MBD3L1: variants seen among roughly 807,000 people sequenced by gnomAD.
MBD3L1 encodes the protein methyl-CpG-binding domain protein 3-like 1.
For synonymous variants in MBD3L1, 84 were observed against 85.1 expected (o/e 0.99, Z 0.07); for missense variants, 203 against 230.1 (o/e 0.88, Z 0.76).
chr19:8,842,771 C>T lies in MBD3L1; in HGVS notation c.93C>T (p.Ser31=). 2 of 1,614,138 alleles carry T rather than the reference C, an allele frequency of 1.2e-6. No homozygotes were observed. Among genetic ancestry groups the T allele is most frequent in the Non-Finnish European group, 1.7e-6 (2 of 1,180,006 alleles). ...GCACCTCAATCCCTTTGAGAATGTCCAGTTACACATTCAAGAGGCCAGTAA... is the reference window on the plus strand; with the variant it reads ...GCACCTCAATCCCTTTGAGAATGTCTAGTTACACATTCAAGAGGCCAGTAA... ...GLSTSIPLRM[S]SYTFKRPVTR... Residue 31 remains serine, a synonymous_variant, in exon 3 of 3, where the codon TCC becomes TCT. Coordinates refer to ENST00000595891, the MANE Select transcript of MBD3L1 (RefSeq NM_001393532.1).
At position 8,834,461 on chromosome 19, in the gene MBD3L1, A is replaced by C. The variant is rs1599307086; in HGVS notation, c.-107+1939A>C. Among the ~76,000 whole-genome samples, 8 of 151,548 alleles carry C rather than the reference A, an allele frequency of 5.3e-5. 1 individual carries two copies. The highest frequency in any genetic ancestry group is 1.3e-4 in the Admixed American group (2 of 15,220). On this transcript the variant is annotated intron_variant, in intron 1 of 2. Transcript: ENST00000595891. ...CGTCTCTACTAAAAATACCAAAATT[A>C]GCTGGGCGTGGTGGCGGGCGCCTAT...
chr19:8,837,840 T>C (rs1568483611), intron 1 of MBD3L1, among the ~76,000 whole-genome samples: 1 of 151,906 alleles, frequency 6.6e-6, no homozygotes, highest in Non-Finnish European at 1.5e-5. Flanking sequence ...TTTTGGTTAG[T>C]AAGGAAGAGA....
chr19:8,832,820 G>T (rs1025384932), intron 1 of MBD3L1, among the ~76,000 whole-genome samples: 9 of 152,196 alleles, frequency 5.9e-5, no homozygotes, highest in Non-Finnish European at 1.3e-4. Context: ...CGGGAACCAG[G>T]CTGTGGTTGT....
chr19:8,842,083 T>C (rs2044518073), intron 2 of MBD3L1, among the ~76,000 whole-genome samples: 1 of 152,046 alleles, frequency 6.6e-6, no homozygotes. Flanking sequence ...ATCCCAGCAC[T>C]TTGGGAGGTC....
In MBD3L1 at chr19:8,843,300, T is replaced by C. The variant is rs1475320763; in HGVS notation, c.*37T>C. On this transcript the variant is annotated 3_prime_UTR_variant, in exon 3 of 3. Transcript: ENST00000595891. ...AAGATAGTGCAGATGAAATAAAGTG[T>C]AATCCTTTATTAACATCTCTTTGCA... 2.1e-6 allele frequency: 3 copies of C among 1,432,852 alleles called. No individual in the cohort carries two copies. The highest frequency in any genetic ancestry group is 1.4e-5 in the African/African-American group (1 of 70,640). The allele number at this position is 1,432,852 out of a possible 1,614,324, so 88.8% of individuals were successfully genotyped here. A position where few individuals can be genotyped will look rare whatever the true frequency, so the allele number is the denominator to read the frequency against.
In MBD3L1 at chr19:8,834,287, G is replaced by C. The variant is rs1454997348; in HGVS notation, c.-107+1765G>C. ...AAGACTGTTCTCTTCAACAAATTGT[G>C]CTGGGACAACTAGATGCCAATATAC... is the stretch of plus-strand genomic sequence containing the variant. On this transcript the variant is annotated intron_variant, in intron 1 of 2. Transcript: ENST00000595891. 3.3e-4 allele frequency among the ~76,000 whole-genome samples: 50 copies of C among 152,142 alleles called. 1 individual carries two copies. The highest frequency in any genetic ancestry group is 3.3e-3 in the Admixed American group (50 of 15,270).
intron 1 of MBD3L1, among the ~76,000 whole-genome samples, chr19:8,838,252 C>CAAAAAAAAAAAAAAAAA (rs542318207): frequency 0.012 from 138 of 11,832 alleles, 60 homozygotes; most frequent in Admixed American, 0.018. Flanking sequence ...GACTCCATCT[C>CAAAAAAAAAAAAAAAAA]AAAAAAAAAA....
intron 1 of MBD3L1, among the ~76,000 whole-genome samples, chr19:8,834,132 C>A (rs902892783): frequency 3.3e-5 from 5 of 152,198 alleles, no homozygotes; most frequent in African/African-American, 1.2e-4. Flanking sequence ...TTGTTTCATG[C>A]ACCCGTCCTT....
chr19:8,836,783 G>A (rs1004273910), intron 1 of MBD3L1, among the ~76,000 whole-genome samples: 3 of 152,116 alleles, frequency 2.0e-5, no homozygotes, highest in Admixed American at 6.5e-5. Flanking sequence ...TGACCCCATC[G>A]TATCCAGCTT....
rs974446022 is a variant in MBD3L1, at chr19:8,840,934, G to A, written c.-87G>A. 3.9e-5 allele frequency: 6 copies of A among 152,068 alleles called. No homozygotes were observed. Among genetic ancestry groups the A allele is most frequent in the Non-Finnish European group, 8.8e-5 (6 of 68,016 alleles). 9.4% of individuals were successfully genotyped at this position (152,068 alleles called of 1,614,324 possible). ...CAGCAGTGATCATATGACGGTGGTAGCCATGGCGTCACAGAGAACAGGGAC... is the reference window on the plus strand; with the variant it reads ...CAGCAGTGATCATATGACGGTGGTAACCATGGCGTCACAGAGAACAGGGAC... On this transcript the variant is annotated 5_prime_UTR_variant, in exon 2 of 3. Transcript: ENST00000595891.
intron 1 of MBD3L1, chr19:8,833,378 AAGTC>A (rs2044409171): frequency 1.3e-5 from 2 of 152,180 alleles, no homozygotes; most frequent in African/African-American, 4.8e-5. Context: ...GAATGGTACA[AAGTC>A]AGTCAAATAT....
At position 8,842,941 on chromosome 19, in the gene MBD3L1, A is replaced by G. The variant is rs1271609931; in HGVS notation, c.263A>G (p.Asp88Gly). ...SSAGELSSTLDLANTLQKLVP... is the reference protein window; with the variant it reads ...SSAGELSSTLGLANTLQKLVP... ...GCAGGAGAACTTTCAAGCACTTTGG[A>G]TCTTGCCAATACCTTGCAAAAACTT... Residue 88 changes from aspartate to glycine, a missense_variant, in exon 3 of 3, where the codon GAT becomes GGT. Transcript: ENST00000595891. 1.2e-5 allele frequency: 20 copies of G among 1,614,086 alleles called. No homozygotes were observed. The highest frequency in any genetic ancestry group is 2.7e-5 in the African/African-American group (2 of 74,942).
chr19:8,842,427 G>C (rs527356935), intron 2 of MBD3L1, among the ~76,000 whole-genome samples: 2 of 152,016 alleles, frequency 1.3e-5, no homozygotes, highest in Non-Finnish European at 2.9e-5. Context: ...GGCAGAAAGA[G>C]AATAAAATAG....
At chr19:8,836,146 G>C (rs1278582404) in intron 1 of MBD3L1, among the ~76,000 whole-genome samples, 1 of 152,106 alleles carries the variant, frequency 6.6e-6, no homozygotes, top group Admixed American at 6.6e-5. Context: ...ACTTTAAAAG[G>C]TTGAATATTA....
At position 8,840,665 on chromosome 19, in the gene MBD3L1, T is replaced by A. The variant is rs532135961; in HGVS notation, c.-106-250T>A. Among the ~76,000 whole-genome samples, 53 of 152,234 alleles carry A rather than the reference T, an allele frequency of 3.5e-4. 1 individual carries two copies. The highest frequency in any genetic ancestry group is 1.3e-3 in the African/African-American group (53 of 41,520). Reference sequence around the variant, plus strand: ...AAACATTCAATGCTTATCAGGGATATTTGCAGATTTGGCAACTAACGTCTT... The same window carrying A: ...AAACATTCAATGCTTATCAGGGATAATTGCAGATTTGGCAACTAACGTCTT... On this transcript the variant is annotated intron_variant, in intron 1 of 2. Coordinates refer to ENST00000595891, the MANE Select transcript of MBD3L1 (RefSeq NM_001393532.1).
chr19:8,840,564 C>A (rs1056886070), intron 1 of MBD3L1, among the ~76,000 whole-genome samples: 2 of 152,174 alleles, frequency 1.3e-5, no homozygotes, highest in African/African-American at 2.4e-5. Context: ...CTCAGCCTAC[C>A]AAAGTGCTGG....
At chr19:8,842,094 G>A (rs948345800) in intron 2 of MBD3L1, among the ~76,000 whole-genome samples, 5 of 152,068 alleles carry the variant, frequency 3.3e-5, no homozygotes, top group African/African-American at 1.2e-4. Context: ...TTGGGAGGTC[G>A]AGGGGGGGTG....
intron 1 of MBD3L1, among the ~76,000 whole-genome samples, 167 bp downstream of exon 1, chr19:8,832,689 G>A (rs980803676): frequency 6.6e-6 from 1 of 152,070 alleles, no homozygotes; most frequent in Non-Finnish European, 1.5e-5. Flanking sequence ...CCAGTTCCAG[G>A]GTCGGGGCTG....
At chr19:8,834,627 C>A (rs1409106957) in intron 1 of MBD3L1, among the ~76,000 whole-genome samples, 7 of 146,312 alleles carry the variant, frequency 4.8e-5, no homozygotes, top group Admixed American at 6.8e-5. Flanking sequence ...CAAACCAAAA[C>A]CAAAAAAAAA....
Sources: allele counts gnomAD v4.1 joint callset (sites outside exome capture counted in the v4.1 genomes callset), GRCh38; gene constraint gnomAD v4.1.1; transcripts MANE v1.5; gene names NCBI Gene and HGNC (gene_info 2026-07-23, HGNC 2026-07-21).